Variants in CNTN4 observed in about 807,000 individuals in gnomAD.
CNTN4 encodes the protein contactin-4.
A neutral mutation model predicts 122.5 loss-of-function variants in CNTN4; 77 were observed. That is an observed-to-expected ratio of 0.63 (90% CI 0.52 to 0.76). CNTN4 has a LOEUF of 0.76. CNTN4 is among the 30% of genes least tolerant of loss of function. The probability of loss-of-function intolerance (pLI) is 0.00; values close to 1 mark genes in which losing one functional copy is unlikely to be tolerated. For synonymous variants in CNTN4, 512 were observed against 447.0 expected (o/e 1.15, Z -1.83); for missense variants, 1,256 against 1,259.1 (o/e 1.00, Z 0.04).
intron 2 of CNTN4, among the ~76,000 whole-genome samples, chr3:2,106,045 A>T (rs894988529): frequency 6.6e-6 from 1 of 152,192 alleles, no homozygotes; most frequent in Admixed American, 6.5e-5. Context: ...CTCCGAAATC[A>T]TCTTCTTTAA....
rs557406016 is a variant in CNTN4 at position 2,352,580 on chromosome 3, C to T, written c.-89+13347C>T. 4.6e-4 allele frequency among the ~76,000 whole-genome samples: 70 copies of T among 152,296 alleles called. 1 individual carries two copies. The South Asian group carries it at 0.013, about 27-fold the overall frequency. On this transcript the variant is annotated intron_variant, in intron 3 of 24. Coordinates refer to ENST00000418658, the MANE Select transcript of CNTN4 (RefSeq NM_175607.3). ...GCCAGGTTCCCCAGCAGTGCCAGCC[C>T]GCCAGTGCTGTGCTCAAATTCTCAC... is the stretch of plus-strand genomic sequence containing the variant.
intron 4 of CNTN4, among the ~76,000 whole-genome samples, chr3:2,670,860 T>C (rs2084469694): frequency 6.6e-6 from 1 of 152,192 alleles, no homozygotes; most frequent in Non-Finnish European, 1.5e-5. Context: ...TGAAGCTTAG[T>C]TTGGCTGGAT....
At chr3:2,613,734 C>T (rs746512484) in intron 4 of CNTN4, among the ~76,000 whole-genome samples, 10 of 152,070 alleles carry the variant, frequency 6.6e-5, no homozygotes, top group Non-Finnish European at 8.8e-5. Context: ...TTATCACTAT[C>T]GGATGTGTCA....
chr3:2,685,664 G>C (rs577708372), intron 4 of CNTN4, among the ~76,000 whole-genome samples: 5 of 152,084 alleles, frequency 3.3e-5, no homozygotes, highest in African/African-American at 1.2e-4. Flanking sequence ...AGTTGTGTTG[G>C]GATTTTTCTT....
intron 3 of CNTN4, among the ~76,000 whole-genome samples, chr3:2,371,607 T>A (rs1317659839): frequency 2.0e-5 from 3 of 152,218 alleles, no homozygotes; most frequent in Non-Finnish European, 4.4e-5. Context: ...AATGAGTGGT[T>A]GTTTTTGTAT....
At chr3:2,341,391 G>C (rs553805453) in intron 3 of CNTN4, among the ~76,000 whole-genome samples, 1 of 152,276 alleles carries the variant, frequency 6.6e-6, no homozygotes, top group South Asian at 2.1e-4. Context: ...GCATCTTCTT[G>C]TTCTTCATGG....
intron 14 of CNTN4, among the ~76,000 whole-genome samples, chr3:3,025,336 T>C (rs1420838627): frequency 6.6e-6 from 1 of 152,168 alleles, no homozygotes; most frequent in Non-Finnish European, 1.5e-5. Context: ...TTATTTCTAA[T>C]TATAAATATT....
chr3:2,483,486 A>C (rs1206232227), intron 3 of CNTN4, among the ~76,000 whole-genome samples: 1 of 152,158 alleles, frequency 6.6e-6, no homozygotes, highest in Admixed American at 6.5e-5. Flanking sequence ...TGTGTTTTGA[A>C]ACAAGATTTG....
In CNTN4 at chr3:2,359,089, A is replaced by G. The variant is rs1476070417; in HGVS notation, c.-89+19856A>G. ...CCAAGTAAAACAATTGTCTTCTCCAAATGAAGTATTGTAAATATTTATTTG... is the reference window on the plus strand; with the variant it reads ...CCAAGTAAAACAATTGTCTTCTCCAGATGAAGTATTGTAAATATTTATTTG... On this transcript the variant is annotated intron_variant, in intron 3 of 24. Transcript: ENST00000418658. 2.0e-5 allele frequency among the ~76,000 whole-genome samples: 3 copies of G among 152,216 alleles called. No homozygotes were observed. The East Asian group carries it at 5.8e-4, about 29-fold the overall frequency.
At chr3:3,035,305 C>CAAA (rs1255595358) in intron 17 of CNTN4, among the ~76,000 whole-genome samples, 43 of 64,478 alleles carry the variant, frequency 6.7e-4, no homozygotes, top group Admixed American at 5.1e-3. Flanking sequence ...GACTCCGTCT[C>CAAA]AAAAAAAAAA....
chr3:2,669,440 C>T (rs370978916), intron 4 of CNTN4, among the ~76,000 whole-genome samples: 3,747 of 152,102 alleles, frequency 0.025, 74 homozygotes, highest in South Asian at 0.04. Flanking sequence ...TGGTGATATC[C>T]CCTTTGTCAT....
intron 2 of CNTN4, among the ~76,000 whole-genome samples, chr3:2,276,875 CACTGCACTCCAGCCTGGGCGAGCT>C (rs2041529520): frequency 1.3e-5 from 2 of 152,186 alleles, no homozygotes; most frequent in East Asian, 1.9e-4. Flanking sequence ...GAGATCGCTC[CACTGCACTCCAGCCTGGGCGAGCT>C]ACTGCACTCC....
chr3:2,214,857 G>A (rs979203705), intron 2 of CNTN4, among the ~76,000 whole-genome samples: 1 of 152,134 alleles, frequency 6.6e-6, no homozygotes, highest in Admixed American at 6.5e-5. Context: ...TAGTGATTCA[G>A]AATATTGGAG....
rs976725381 is a variant in CNTN4, at chr3:2,661,728, C to G, written c.56-74487C>G. On this transcript the variant is annotated intron_variant, in intron 4 of 24. Transcript: ENST00000418658. ...TCAGGAGGCTGAGGCAGGAGAATCGCTTCAACCCAGGAGGCAGAGGTTGCG... is the reference window on the plus strand; with the variant it reads ...TCAGGAGGCTGAGGCAGGAGAATCGGTTCAACCCAGGAGGCAGAGGTTGCG... Among the ~76,000 whole-genome samples the G allele has an allele frequency of 1.4e-4, 21 of 148,294 alleles. 1 individual carries two copies. Among genetic ancestry groups the G allele is most frequent in the African/African-American group, 4.8e-4 (19 of 39,960 alleles).
At chr3:2,800,919 C>A (rs2092332513) in intron 6 of CNTN4, among the ~76,000 whole-genome samples, 1 of 152,150 alleles carries the variant, frequency 6.6e-6, no homozygotes, top group Non-Finnish European at 1.5e-5. Context: ...CTCAAACGCA[C>A]CTACTTCCTG....
chr3:2,635,457 A>G (rs931025747), intron 4 of CNTN4, among the ~76,000 whole-genome samples: 7 of 152,200 alleles, frequency 4.6e-5, no homozygotes, highest in African/African-American at 1.2e-4. Context: ...CTGTTTGTGT[A>G]TATCTACATA....
chr3:2,609,440 T>G (rs916506782), intron 4 of CNTN4, among the ~76,000 whole-genome samples: 2 of 152,166 alleles, frequency 1.3e-5, no homozygotes, highest in Non-Finnish European at 2.9e-5. Flanking sequence ...GAGAAATAAA[T>G]TCATGTTGTT....
At chr3:2,303,788 G>C (rs2042607962) in intron 2 of CNTN4, among the ~76,000 whole-genome samples, 1 of 152,100 alleles carries the variant, frequency 6.6e-6, no homozygotes, top group Admixed American at 6.6e-5. Context: ...AGTCCCACAG[G>C]CGCCTCTGAT....
chr3:2,723,577 CA>C (rs913618651), intron 4 of CNTN4, among the ~76,000 whole-genome samples: 2 of 152,118 alleles, frequency 1.3e-5, no homozygotes, highest in African/African-American at 4.8e-5. Context: ...GACAAAAAGG[CA>C]AGAGGGTTGA....
Sources: gnomAD v4.1 joint callset for allele counts (sites outside exome capture counted in the v4.1 genomes callset) on GRCh38, gnomAD v4.1.1 for gene constraint, MANE v1.5 for transcripts, NCBI Gene and HGNC (gene_info 2026-07-23, HGNC 2026-07-21) for gene names.